The following FAM171A1 variants were observed in gnomAD, a reference collection of about 807,000 sequenced individuals.
FAM171A1 encodes the protein protein FAM171A1.
A neutral mutation model predicts 74.9 loss-of-function variants in FAM171A1; 23 were observed. The observed-to-expected ratio is 0.31, with a 90% CI of 0.22 to 0.44. The LOEUF is 0.44. Among genes scored for constraint, FAM171A1 ranks in the 20% least tolerant of loss-of-function variants. The pLI is 1.00. For missense variants in FAM171A1, 1,162 were observed against 1,159.2 expected, an observed-to-expected ratio of 1.00 and a Z score of -0.03; for synonymous variants, 527 against 505.7, an observed-to-expected ratio of 1.04 and a Z score of -0.57.
intron 1 of FAM171A1, among the ~76,000 whole-genome samples, chr10:15,322,450 G>C (rs144034867): frequency 2.6e-4 from 39 of 152,290 alleles, no homozygotes; most frequent in African/African-American, 8.7e-4. Context: ...ATTGTCTTAA[G>C]GGTTAGCATT....
intron 1 of FAM171A1, among the ~76,000 whole-genome samples, chr10:15,328,917 T>C (rs1362793968): frequency 6.6e-6 from 1 of 151,940 alleles, no homozygotes; most frequent in Non-Finnish European, 1.5e-5. Flanking sequence ...AGATATGTCA[T>C]CCTGGCAAAC....
At chr10:15,284,382 A>G (rs147242386) in intron 1 of FAM171A1, among the ~76,000 whole-genome samples, 2 of 152,078 alleles carry the variant, frequency 1.3e-5, no homozygotes, top group Non-Finnish European at 2.9e-5. Flanking sequence ...GAAAAATTCT[A>G]TACTTTTAAA....
chr10:15,300,240 C>T (rs1835211739), intron 1 of FAM171A1, among the ~76,000 whole-genome samples: 1 of 152,076 alleles, frequency 6.6e-6, no homozygotes, highest in Non-Finnish European at 1.5e-5. Context: ...TATTTTAGGG[C>T]ACTTTAGCAT....
At chr10:15,305,721 T>C (rs1835286275) in intron 1 of FAM171A1, among the ~76,000 whole-genome samples, 1 of 146,014 alleles carries the variant, frequency 6.8e-6, no homozygotes, top group African/African-American at 2.5e-5. Context: ...TTTCAGACTT[T>C]GGACAGCAAA....
chr10:15,344,851 T>C (rs1835801497), intron 1 of FAM171A1, among the ~76,000 whole-genome samples: 1 of 152,238 alleles, frequency 6.6e-6, no homozygotes, highest in Admixed American at 6.5e-5. Context: ...CCCAACAAAA[T>C]GCTTTGATAT....
Position 15,254,896 on chromosome 10 carries a change from C to T in FAM171A1, c.419-17G>A. On this transcript the variant is annotated splice_polypyrimidine_tract_variant and intron_variant, in intron 3 of 7. Transcript: ENST00000378116. ...GCCGGGCACCTGCAGAGATTAACCTCCGAGTTATCTCCCCCAGGAGCAGTT... is the reference window on the plus strand; with the variant it reads ...GCCGGGCACCTGCAGAGATTAACCTTCGAGTTATCTCCCCCAGGAGCAGTT... 1.9e-6 allele frequency: 3 copies of T among 1,606,868 alleles called. No individual in the cohort carries two copies. The highest frequency in any genetic ancestry group is 2.6e-6 in the Non-Finnish European group (3 of 1,174,516).
intron 1 of FAM171A1, among the ~76,000 whole-genome samples, chr10:15,366,208 C>T (rs1836059674): frequency 6.6e-6 from 1 of 152,176 alleles, no homozygotes; most frequent in Non-Finnish European, 1.5e-5. Flanking sequence ...CAACCTCTGC[C>T]TCCCGAGTTC....
chr10:15,355,335 A>G (rs975928181), intron 1 of FAM171A1, among the ~76,000 whole-genome samples: 1 of 152,140 alleles, frequency 6.6e-6, no homozygotes, highest in African/African-American at 2.4e-5. Context: ...TCAGCCTCCC[A>G]AGGTATTGGG....
intron 3 of FAM171A1, among the ~76,000 whole-genome samples, chr10:15,273,013 C>A (rs1439483960): frequency 6.6e-6 from 1 of 152,022 alleles, no homozygotes; most frequent in Non-Finnish European, 1.5e-5. Flanking sequence ...AATTCAAAAG[C>A]TAGCAGAAGG....
intron 5 of FAM171A1, among the ~76,000 whole-genome samples, chr10:15,225,507 A>G (rs1834093806): frequency 6.6e-6 from 1 of 152,210 alleles, no homozygotes; most frequent in Non-Finnish European, 1.5e-5. Flanking sequence ...TCCAGGGAGT[A>G]TGGGAATTAG....
rs941600924 is a variant in FAM171A1, at chr10:15,211,716, A to AGAAG, written c.*1195_*1198dup. On this transcript the variant is annotated 3_prime_UTR_variant, in exon 8 of 8. Transcript: ENST00000378116. The stretch of plus-strand genomic sequence containing the variant: ...AAGCAGCTCTTTAAGAAGAATGCAC[A>AGAAG]GAAGAGTCATTCTGGCACTTTTGGA... 5.3e-5 allele frequency: 8 copies of AGAAG among 152,048 alleles called. No individual in the cohort carries two copies. The highest frequency in any genetic ancestry group is 1.7e-4 in the African/African-American group (7 of 41,398). 9.4% of individuals were successfully genotyped at this position (152,048 alleles called of 1,614,324 possible).
At chr10:15,336,315 A>ATT (rs35026811) in intron 1 of FAM171A1, among the ~76,000 whole-genome samples, 182 of 147,536 alleles carry the variant, frequency 1.2e-3, no homozygotes, top group Non-Finnish European at 1.5e-3. Flanking sequence ...AAAGACCCAG[A>ATT]TTTTTTTTTT....
chr10:15,371,292 C>T (rs1836145694), upstream of FAM171A1, among the ~76,000 whole-genome samples: 1 of 143,526 alleles, frequency 7.0e-6, no homozygotes, highest in Non-Finnish European at 1.5e-5. Context: ...AGCTCCTTAA[C>T]CCCTTCCTGC....
chr10:15,228,783 C>A lies in FAM171A1; in HGVS notation c.755-7723G>T, dbSNP rs1834143284. Reference sequence around the variant, plus strand: ...TTGACATGATCCTAAATGTGATACCCAAGTCTGCCACTTCCTAGTCGTGTG... The same window carrying A: ...TTGACATGATCCTAAATGTGATACCAAAGTCTGCCACTTCCTAGTCGTGTG... On this transcript the variant is annotated intron_variant, in intron 5 of 7. Transcript: ENST00000378116. Among the ~76,000 whole-genome samples the A allele has an allele frequency of 2.0e-5, 3 of 152,172 alleles. No individual in the cohort carries two copies. In the South Asian group the frequency reaches 6.2e-4, roughly 31 times the overall value.
chr10:15,330,618 A>G (rs1256217709), intron 1 of FAM171A1, among the ~76,000 whole-genome samples: 1 of 152,026 alleles, frequency 6.6e-6, no homozygotes, highest in African/African-American at 2.4e-5. Flanking sequence ...ACCCACAGGC[A>G]GCCTCTTACT....
At chr10:15,340,183 C>G (rs1179361913) in intron 1 of FAM171A1, among the ~76,000 whole-genome samples, 1 of 152,130 alleles carries the variant, frequency 6.6e-6, no homozygotes, top group Non-Finnish European at 1.5e-5. Context: ...TGTCTCTGCT[C>G]CCCATCAGTA....
chr10:15,285,968 C>T (rs1398476855), intron 1 of FAM171A1, among the ~76,000 whole-genome samples: 1 of 152,218 alleles, frequency 6.6e-6, no homozygotes, highest in Non-Finnish European at 1.5e-5. Context: ...AATCTCAGCT[C>T]CACCATGTGC....
chr10:15,305,954 G>C (rs534622111), intron 1 of FAM171A1, among the ~76,000 whole-genome samples: 1 of 152,192 alleles, frequency 6.6e-6, no homozygotes, highest in Non-Finnish European at 1.5e-5. Flanking sequence ...CAGGCGAGGA[G>C]GGTGGCCTGG....
At chr10:15,374,140 C>G (rs1836178445), upstream of FAM171A1, among the ~76,000 whole-genome samples, 1 of 152,214 alleles carries the variant, frequency 6.6e-6, no homozygotes, top group Non-Finnish European at 1.5e-5. Flanking sequence ...TATAACAATA[C>G]TTTCCAGGAC....
Sources: gnomAD v4.1 joint callset for allele counts (sites outside exome capture counted in the v4.1 genomes callset) on GRCh38, gnomAD v4.1.1 for gene constraint, MANE v1.5 for transcripts, NCBI Gene and HGNC (gene_info 2026-07-23, HGNC 2026-07-21) for gene names.